The following UNC13A variants were observed in gnomAD, a reference collection of about 807,000 sequenced individuals.
UNC13A encodes the protein unc-13 homolog A.
In UNC13A, 61 loss-of-function variants were observed where a neutral mutation model predicts 219.7. The observed-to-expected ratio is 0.28, with a 90% CI of 0.23 to 0.34. UNC13A has a LOEUF of 0.34. Among genes scored for constraint, UNC13A ranks in the 10% least tolerant of loss-of-function variants. The probability of loss-of-function intolerance (pLI) is 1.00; values close to 1 mark genes in which losing one functional copy is unlikely to be tolerated. For missense variants in UNC13A, 1,476 were observed against 2,270.3 expected, an observed-to-expected ratio of 0.65 and a Z score of 7.11; for synonymous variants, 920 against 884.6, an observed-to-expected ratio of 1.04 and a Z score of -0.71.
intron 19 of UNC13A, among the ~76,000 whole-genome samples, chr19:17,644,848 T>G (rs1328500685): frequency 6.6e-6 from 1 of 151,550 alleles, no homozygotes; most frequent in Non-Finnish European, 1.5e-5. Context: ...AGTGTCACCC[T>G]GCCTAGCTAA....
chr19:17,629,630 C>T (rs981991607), intron 30 of UNC13A, among the ~76,000 whole-genome samples: 13 of 152,074 alleles, frequency 8.5e-5, no homozygotes, highest in Non-Finnish European at 1.9e-4. Flanking sequence ...ACTTGTAATT[C>T]CCAAGGTCAA....
At chr19:17,652,699 A>T in intron 11 of UNC13A, 22 bp from the exon 12 acceptor site, 1 of 1,613,534 alleles carries the variant, frequency 6.2e-7, no homozygotes, top group Non-Finnish European at 8.5e-7. Flanking sequence ...ACAGACAGAT[A>T]TGGTCAGTGT....
At chr19:17,669,797 CTCTA>C (rs1313950060) in intron 4 of UNC13A, 121 bp from the exon 5 acceptor site, 31 of 1,131,152 alleles carry the variant, frequency 2.7e-5, no homozygotes, top group African/African-American at 4.7e-5. Context: ...CATGTCCCCT[CTCTA>C]TCTTTCCTTC....
At chr19:17,608,806 A>T (rs564527681) in intron 43 of UNC13A, among the ~76,000 whole-genome samples, 1 of 151,684 alleles carries the variant, frequency 6.6e-6, no homozygotes, top group Non-Finnish European at 1.5e-5. Context: ...GTGAGCCACC[A>T]CACCCAGCCA....
At chr19:17,685,668 G>A (rs551909468) in intron 1 of UNC13A, among the ~76,000 whole-genome samples, 1 of 152,322 alleles carries the variant, frequency 6.6e-6, no homozygotes, top group East Asian at 1.9e-4. Flanking sequence ...GTTCACACAG[G>A]CATTTGAGTA....
At chr19:17,637,488 C>T (rs2076925058) in intron 25 of UNC13A, among the ~76,000 whole-genome samples, 2 of 151,696 alleles carry the variant, frequency 1.3e-5, no homozygotes, top group South Asian at 4.2e-4. Context: ...TTAGTAGAGA[C>T]GGGGTTTCAC....
intron 28 of UNC13A, among the ~76,000 whole-genome samples, chr19:17,632,248 T>C (rs912830111): frequency 6.6e-6 from 1 of 152,210 alleles, no homozygotes; most frequent in Admixed American, 6.5e-5. Context: ...TTTCGCCCTA[T>C]TGGCTATGCT....
chr19:17,618,901 C>G lies in UNC13A; in HGVS notation c.4329+5G>C, dbSNP rs1220414668. The G allele has an allele frequency of 2.5e-6, 4 of 1,613,978 alleles. No individual in the cohort carries two copies. In the Admixed American group the frequency reaches 6.7e-5, roughly 27 times the overall value. The stretch of plus-strand genomic sequence containing the variant: ...CTCACGCCATAATCTATCCCCACTC[C>G]TCACCTTGAGTTTGGACAGCTGACC... On this transcript the variant is annotated splice_donor_5th_base_variant and intron_variant, in intron 39 of 43. Transcript: ENST00000519716.
In UNC13A at chr19:17,656,079, C is replaced by T. The variant is rs757867520; in HGVS notation, c.1087G>A (p.Asp363Asn). The change falls in exon 10 of 44, where the codon GAC becomes AAC. Residue 363 changes from aspartate (D) to asparagine (N), a missense_variant. Physicochemically the swap from Asp to Asn is conservative, Grantham distance 23. This residue lies in a region of UNC13A where 351 missense variants were observed against 342.6 expected (regional missense o/e 1.02). Coordinates refer to ENST00000519716, the MANE Select transcript of UNC13A (RefSeq NM_001080421.3). ...TCTTTGGGCTCAGCCACAGCTACGT[C>T]TTCACGCTGGGCATAGCTGCCCAAA... is the stretch of plus-strand genomic sequence containing the variant. The part of the protein sequence containing the change: ...DDLGSYAQRE[D>N]VAVAEPKDFK... The T allele has an allele frequency of 6.4e-7, 1 of 1,553,658 alleles. No individual in the cohort carries two copies. The highest frequency in any genetic ancestry group is 1.4e-5 in the African/African-American group (1 of 73,214).
At chr19:17,640,049 T>A in intron 22 of UNC13A, 141 bp from the exon 23 acceptor site, 1 of 841,238 alleles carries the variant, frequency 1.2e-6, no homozygotes, top group Non-Finnish European at 1.8e-6. Context: ...TTTTTTTTTG[T>A]TTTGAGACAG....
chr19:17,675,521 A>G (rs1029457851), intron 2 of UNC13A, among the ~76,000 whole-genome samples: 2 of 151,082 alleles, frequency 1.3e-5, no homozygotes, highest in African/African-American at 4.9e-5. Flanking sequence ...AATCCCAGCT[A>G]CTTGGGAGGC....
intron 22 of UNC13A, 146 bp downstream of exon 22, chr19:17,640,365 A>G: frequency 1.7e-6 from 2 of 1,160,120 alleles, no homozygotes; most frequent in Non-Finnish European, 2.3e-6. Context: ...CTACAGAGGA[A>G]TAAATGGAGG....
intron 42 of UNC13A, among the ~76,000 whole-genome samples, chr19:17,611,471 C>G (rs936680592): frequency 3.0e-4 from 46 of 152,222 alleles, no homozygotes; most frequent in African/African-American, 1.1e-3. Flanking sequence ...AGCCACCGTG[C>G]CTGGCCTAAT....
intron 34 of UNC13A, among the ~76,000 whole-genome samples, chr19:17,625,950 C>T (rs1456558197): frequency 6.6e-6 from 1 of 151,472 alleles, no homozygotes; most frequent in Non-Finnish European, 1.5e-5. Flanking sequence ...TCCATCCATC[C>T]AGCCAGCCAG....
chr19:17,659,726 G>A (rs1206885022), intron 8 of UNC13A, among the ~76,000 whole-genome samples: 2 of 152,086 alleles, frequency 1.3e-5, no homozygotes, highest in Admixed American at 1.3e-4. Flanking sequence ...CTATGATTAC[G>A]CCTCTGCACT....
At chr19:17,626,007 A>T (rs1294333452) in intron 34 of UNC13A, among the ~76,000 whole-genome samples, 1 of 150,198 alleles carries the variant, frequency 6.7e-6, no homozygotes, top group East Asian at 2.0e-4. Context: ...ACATTTATTC[A>T]TTCATCCAAA....
At position 17,605,463 on chromosome 19, in the gene UNC13A, C is replaced by T. The variant is rs1341831813; in HGVS notation, c.*591G>A. 1 of 152,698 alleles carries T rather than the reference C, an allele frequency of 6.5e-6. No individual in the cohort carries two copies. The highest frequency in any genetic ancestry group is 1.5e-5 in the Non-Finnish European group (1 of 68,096). The allele number at this position is 152,698 out of a possible 1,614,324, so 9.5% of individuals were successfully genotyped here. A position where few individuals can be genotyped will look rare whatever the true frequency, so the allele number is the denominator to read the frequency against. On this transcript the variant is annotated 3_prime_UTR_variant, in exon 44 of 44. Transcript: ENST00000519716. ...AAGGGCGCATGTGCTTTTGAAATCC[C>T]ATCCTCCCCCCTCCCCCCATTTATT...
chr19:17,639,051 A>G, intron 25 of UNC13A, 32 bp downstream of exon 25: 4 of 1,550,084 alleles, frequency 2.6e-6, no homozygotes, highest in Non-Finnish European at 3.5e-6. Flanking sequence ...AGTTGGCATC[A>G]CTGTTCCCTT....
chr19:17,666,596 G>A, intron 7 of UNC13A, 54 bp downstream of exon 7: 2 of 1,360,588 alleles, frequency 1.5e-6, no homozygotes, highest in Non-Finnish European at 2.0e-6. Context: ...TCATGGGGTA[G>A]GGGAGGGATG....
Sources: allele counts gnomAD v4.1 joint callset (sites outside exome capture counted in the v4.1 genomes callset), GRCh38; gene constraint gnomAD v4.1.1; regional missense constraint gnomAD v4.1.1; transcripts MANE v1.5; gene names NCBI Gene and HGNC (gene_info 2026-07-23, HGNC 2026-07-21).